The following PFKP variants were observed in gnomAD, a reference collection of about 807,000 sequenced individuals.
PFKP encodes phosphofructokinase, platelet, also known as ATP-dependent 6-phosphofructokinase, platelet type.
PFKP carries 101 observed loss-of-function variants against 94.3 expected under a neutral mutation model. The ratio of observed to expected loss-of-function variants is 1.07; its 90% confidence interval spans 0.91 to 1.26. PFKP has a LOEUF of 1.26. Among genes scored for constraint, PFKP ranks in the 50% most tolerant of loss-of-function variants. The pLI, the probability that PFKP is intolerant of heterozygous loss-of-function variation, is 0.00. For synonymous variants in PFKP, 573 were observed against 432.6 expected, an observed-to-expected ratio of 1.32 and a Z score of -4.03; for missense variants, 1,145 against 1,103.3, an observed-to-expected ratio of 1.04 and a Z score of -0.53.
chr10:3,089,119 G>C (rs4880590), intron 2 of PFKP, among the ~76,000 whole-genome samples: 23,807 of 152,056 alleles, frequency 0.16, 2,478 homozygotes, highest in East Asian at 0.43. Flanking sequence ...TTTTAGTAGA[G>C]ATGGGGTTTC....
intron 2 of PFKP, among the ~76,000 whole-genome samples, chr10:3,086,663 C>G (rs547375628): frequency 2.6e-5 from 4 of 152,112 alleles, no homozygotes; most frequent in African/African-American, 9.6e-5. Context: ...CAAGCGCACA[C>G]TGTGTTTGGT....
chr10:3,136,601 C>A lies in PFKP; in HGVS notation c.*22C>A. 2.5e-6 allele frequency: 4 copies of A among 1,612,034 alleles called. No individual in the cohort carries two copies. Among genetic ancestry groups the A allele is most frequent in the Non-Finnish European group, 2.5e-6 (3 of 1,178,798 alleles). ...CTGACCCAGTCCCGCCTGCATGTGC[C>A]TGCAGCCACCGTGGACTGTCTGTTT... On this transcript the variant is annotated 3_prime_UTR_variant, in exon 22 of 22. Coordinates refer to ENST00000381125, the MANE Select transcript of PFKP (RefSeq NM_002627.5).
intron 1 of PFKP, among the ~76,000 whole-genome samples, chr10:3,073,894 G>A (rs1390953091): frequency 6.6e-6 from 1 of 152,128 alleles, no homozygotes; most frequent in African/African-American, 2.4e-5. Flanking sequence ...CTGGAGTGCA[G>A]TGGCTTGATG....
intron 14 of PFKP, among the ~76,000 whole-genome samples, chr10:3,118,555 T>C (rs1397110301): frequency 6.6e-6 from 1 of 152,264 alleles, no homozygotes; most frequent in Non-Finnish European, 1.5e-5. Context: ...AGGTATGAGC[T>C]GAAATGCTTT....
At chr10:3,110,714 G>GTGTA (rs535788295) in intron 10 of PFKP, among the ~76,000 whole-genome samples, 1 of 152,182 alleles carries the variant, frequency 6.6e-6, no homozygotes, top group Non-Finnish European at 1.5e-5. Flanking sequence ...GTGTCTCTGT[G>GTGTA]TGTATGTATG....
At chr10:3,103,717 G>A in intron 4 of PFKP, 62 bp from the exon 5 acceptor site, 1 of 1,581,714 alleles carries the variant, frequency 6.3e-7, no homozygotes, top group South Asian at 1.1e-5. Flanking sequence ...CACCCCTAGT[G>A]GGGCACCCCC....
At chr10:3,102,357 G>A (rs1835107091) in intron 4 of PFKP, among the ~76,000 whole-genome samples, 2 of 151,642 alleles carry the variant, frequency 1.3e-5, no homozygotes, top group Non-Finnish European at 1.5e-5. Context: ...GCACTACTTA[G>A]GAAAGCGTTT....
rs4424569 is a variant in PFKP at position 3,104,904 on chromosome 10, C to A, written c.621-211C>A. On this transcript the variant is annotated intron_variant, in intron 5 of 21. Transcript: ENST00000381125. ...CGCAGAGGTGGCTCAAGTCCCCTTC[C>A]TCGCAGGAGTCTGGAAGGCTACTGC... 3.5e-4 allele frequency: 219 copies of A among 631,840 alleles called. 3 individuals are homozygous for A. In the South Asian group the frequency reaches 3.6e-3, roughly 10 times the overall value. The allele number at this position is 631,840 out of a possible 1,614,324, so 39.1% of individuals were successfully genotyped here. A position where few individuals can be genotyped will look rare whatever the true frequency, so the allele number is the denominator to read the frequency against.
chr10:3,074,480 T>TGGAGA (rs902362232), intron 1 of PFKP, among the ~76,000 whole-genome samples: 10 of 151,668 alleles, frequency 6.6e-5, no homozygotes, highest in Admixed American at 5.2e-4. Context: ...GGTGGCTTTG[T>TGGAGA]GGAGAGGAGA....
intron 13 of PFKP, among the ~76,000 whole-genome samples, chr10:3,115,470 CATG>C (rs1564327756): frequency 2.3e-4 from 1 of 4,286 alleles, no homozygotes; most frequent in African/African-American, 5.2e-4. Flanking sequence ...TGTGTCCCGC[CATG>C]GAGGACAGGA....
chr10:3,075,914 A>C (rs1414887993), intron 1 of PFKP, among the ~76,000 whole-genome samples: 1 of 149,946 alleles, frequency 6.7e-6, no homozygotes, highest in Non-Finnish European at 1.5e-5. Context: ...CAAAAAAAAA[A>C]AAAAAAAAAA....
chr10:3,108,703 TGTC>T lies in PFKP; in HGVS notation c.877_879del (p.Val293del). On this transcript the variant is annotated inframe_deletion, in exon 9 of 22. Coordinates refer to ENST00000381125, the MANE Select transcript of PFKP (RefSeq NM_002627.5). ...CCTAACGAGATGTTTCCTTGCAGCT[TGTC>T]GTCACGCAGCTGGGCTATGACACAC... 1.7e-5 allele frequency: 27 copies of T among 1,612,918 alleles called. No homozygotes were observed. Among genetic ancestry groups the T allele is most frequent in the Non-Finnish European group, 2.2e-5 (26 of 1,178,914 alleles).
intron 5 of PFKP, chr10:3,104,817 C>CT (rs1835378154): frequency 1.0e-5 from 5 of 496,338 alleles, no homozygotes; most frequent in Non-Finnish European, 1.8e-5. Flanking sequence ...AGCACGGGGC[C>CT]GGGGAGTGTG....
At chr10:3,070,990 ATCC>A (rs1338234369) in intron 1 of PFKP, among the ~76,000 whole-genome samples, 1 of 151,882 alleles carries the variant, frequency 6.6e-6, no homozygotes, top group Admixed American at 6.6e-5. Context: ...TCCTGTAGTG[ATCC>A]TCCTGCCTTG....
intron 1 of PFKP, among the ~76,000 whole-genome samples, chr10:3,072,368 G>T (rs1832261942): frequency 6.6e-6 from 1 of 152,240 alleles, no homozygotes; most frequent in Non-Finnish European, 1.5e-5. Flanking sequence ...AGCAATGCTG[G>T]CTTCGGAGCC....
chr10:3,133,374 AGT>A, intron 19 of PFKP, 60 bp downstream of exon 19: 1 of 1,077,600 alleles, frequency 9.3e-7, no homozygotes, highest in Non-Finnish European at 1.4e-6. Flanking sequence ...TTAAAAGATT[AGT>A]GTCTTATTTT....
intron 17 of PFKP, among the ~76,000 whole-genome samples, chr10:3,131,948 T>C (rs144446008): frequency 8.3e-4 from 127 of 152,274 alleles, no homozygotes; most frequent in African/African-American, 2.8e-3. Flanking sequence ...AATGTGAGTC[T>C]ACAAAATTCT....
At chr10:3,129,449 T>A (rs1588564401) in intron 16 of PFKP, 3 of 213,390 alleles carry the variant, frequency 1.4e-5, no homozygotes, top group African/African-American at 2.4e-5. Flanking sequence ...TAACGGTGTC[T>A]GTGTCCGGTG....
At chr10:3,108,993 C>T (rs780711484) in intron 9 of PFKP, among the ~76,000 whole-genome samples, 200 bp downstream of exon 9, 5 of 152,168 alleles carry the variant, frequency 3.3e-5, no homozygotes, top group African/African-American at 9.7e-5. Context: ...GCGGGGAGAG[C>T]TCCCTAATGT....
Sources: allele counts gnomAD v4.1 joint callset (sites outside exome capture counted in the v4.1 genomes callset), GRCh38; gene constraint gnomAD v4.1.1; transcripts MANE v1.5; gene names NCBI Gene and HGNC (gene_info 2026-07-23, HGNC 2026-07-21).